The following SRGAP1 variants were observed in gnomAD, a reference collection of about 807,000 sequenced individuals.
The protein encoded by SRGAP1 is SLIT-ROBO Rho GTPase activating protein 1.
Under a neutral mutation model 121.9 loss-of-function variants are expected in SRGAP1, and 43 were observed. That is an observed-to-expected ratio of 0.35 (90% CI 0.28 to 0.46). The LOEUF (loss-of-function observed/expected upper bound fraction) is 0.46, where lower values mean the gene tolerates loss of function less well. Among genes scored for constraint, SRGAP1 ranks in the 20% least tolerant of loss-of-function variants. The probability of loss-of-function intolerance (pLI) is 1.00; values close to 1 mark genes in which losing one functional copy is unlikely to be tolerated. For missense variants in SRGAP1, 1,102 were observed against 1,350.9 expected (o/e 0.82, Z 2.89); for synonymous variants, 447 against 485.4 (o/e 0.92, Z 1.04).
chr12:64,137,983 A>T (rs12831194), intron 21 of SRGAP1, among the ~76,000 whole-genome samples: 46,827 of 119,122 alleles, frequency 0.39, 7,892 homozygotes, highest in East Asian at 0.53. Context: ...TATATATATA[A>T]AAAATAATAA....
chr12:63,907,158 T>C (rs1157752436), intron 1 of SRGAP1, among the ~76,000 whole-genome samples: 2 of 152,150 alleles, frequency 1.3e-5, no homozygotes, highest in African/African-American at 4.8e-5. Flanking sequence ...TCCCTGATGG[T>C]TAAGGATGTT....
chr12:64,013,843 C>G (rs557335993), intron 3 of SRGAP1, among the ~76,000 whole-genome samples: 48 of 152,194 alleles, frequency 3.2e-4, no homozygotes, highest in Non-Finnish European at 1.5e-5. Context: ...CCTTAAGGGC[C>G]CTTTGGAATC....
chr12:64,038,193 G>A (rs1008006218), intron 4 of SRGAP1, among the ~76,000 whole-genome samples: 2 of 152,058 alleles, frequency 1.3e-5, no homozygotes, highest in Non-Finnish European at 2.9e-5. Context: ...TATGTTATTC[G>A]TAAAATGCTG....
At chr12:63,866,926 T>C (rs1899655817) in intron 1 of SRGAP1, among the ~76,000 whole-genome samples, 1 of 151,916 alleles carries the variant, frequency 6.6e-6, no homozygotes, top group African/African-American at 2.4e-5. Context: ...TAGAGTGCAG[T>C]GGCACGCTCA....
intron 7 of SRGAP1, among the ~76,000 whole-genome samples, 167 bp downstream of exon 7, chr12:64,063,305 A>T (rs1435153638): frequency 6.6e-6 from 1 of 152,192 alleles, no homozygotes; most frequent in Non-Finnish European, 1.5e-5. Context: ...TTTTAAAGCA[A>T]ACGTCAAACA....
chr12:63,941,680 A>C (rs1416405592), intron 1 of SRGAP1, among the ~76,000 whole-genome samples: 2 of 151,926 alleles, frequency 1.3e-5, no homozygotes, highest in African/African-American at 2.4e-5. Context: ...CAGTTAGAAA[A>C]AAAAAAAAAA....
intron 6 of SRGAP1, among the ~76,000 whole-genome samples, chr12:64,061,250 A>C (rs2035445742): frequency 6.6e-6 from 1 of 152,208 alleles, no homozygotes; most frequent in Non-Finnish European, 1.5e-5. Context: ...CAATAAGCAG[A>C]CTTTGGCAAT....
intron 1 of SRGAP1, among the ~76,000 whole-genome samples, chr12:63,917,560 G>A (rs996772098): frequency 4.6e-5 from 7 of 152,108 alleles, no homozygotes; most frequent in African/African-American, 9.7e-5. Context: ...TCACAGCAGC[G>A]AAGGCCCTGG....
In SRGAP1 at chr12:63,880,376, C is replaced by T. The variant is rs532543369; in HGVS notation, c.67+35493C>T. 5.3e-4 allele frequency among the ~76,000 whole-genome samples: 81 copies of T among 152,152 alleles called. 1 individual carries two copies. Among genetic ancestry groups the T allele is most frequent in the Non-Finnish European group, 1.0e-3 (69 of 67,994 alleles). On this transcript the variant is annotated intron_variant, in intron 1 of 21. Transcript: ENST00000355086. ...CCTCCCCAGCAGCTGGGATTACAGA[C>T]GCATGCCACCCCGCCTGACTAATTT...
chr12:63,954,474 C>T (rs889889003), intron 1 of SRGAP1, among the ~76,000 whole-genome samples: 5 of 151,826 alleles, frequency 3.3e-5, no homozygotes, highest in Non-Finnish European at 5.9e-5. Flanking sequence ...GTCAGGAGAT[C>T]GAGACCATCC....
chr12:63,997,115 A>T (rs915324558), intron 3 of SRGAP1, among the ~76,000 whole-genome samples: 2 of 152,122 alleles, frequency 1.3e-5, no homozygotes, highest in African/African-American at 4.8e-5. Context: ...TCTGAAGGCA[A>T]CTGTAACACA....
At position 64,146,448 on chromosome 12, in the gene SRGAP1, C is replaced by T. The variant is rs558412901; in HGVS notation, c.*3776C>T. 2.0e-5 allele frequency: 3 copies of T among 152,240 alleles called. No individual in the cohort carries two copies. Among genetic ancestry groups the T allele is most frequent in the South Asian group, 4.1e-4 (2 of 4,822 alleles). 9.4% of individuals were successfully genotyped at this position (152,240 alleles called of 1,614,324 possible). A position where few individuals can be genotyped will look rare whatever the true frequency, so the allele number is the denominator to read the frequency against. On this transcript the variant is annotated 3_prime_UTR_variant, in exon 22 of 22. Transcript: ENST00000355086. ...CGTGGGTTGGTAGTTGTGTCCTTAA[C>T]ATTTAGGAATGACATAGCCTCTGGA...
chr12:64,082,001 CTTTTTTTT>C lies in SRGAP1; in HGVS notation c.1408+1645_1408+1652del. On this transcript the variant is annotated intron_variant, in intron 10 of 21. Transcript: ENST00000355086. ...TTTCCCTCACAGTGTCATGTAAGGT[CTTTTTTTT>C]TTTTTTTTTTTTTCAATTTTTCACA... is the stretch of plus-strand genomic sequence containing the variant. 4.5e-5 allele frequency: 3 copies of C among 66,138 alleles called. No homozygotes were observed. In the South Asian group the frequency reaches 2.5e-3, roughly 56 times the overall value. The allele number at this position is 66,138 out of a possible 1,614,324, so 4.1% of individuals were successfully genotyped here.
chr12:63,855,600 C>T (rs1180770330), intron 1 of SRGAP1, among the ~76,000 whole-genome samples: 2 of 141,788 alleles, frequency 1.4e-5, no homozygotes, highest in African/African-American at 2.6e-5. Context: ...AGGCAATTCT[C>T]ATGCCTCAGC....
intron 3 of SRGAP1, among the ~76,000 whole-genome samples, chr12:64,012,498 G>C (rs541044833): frequency 3.0e-4 from 41 of 137,054 alleles, no homozygotes; most frequent in African/African-American, 1.1e-3. Context: ...GGCAATTCTT[G>C]TTCAAGGGCC....
In SRGAP1 at chr12:64,040,899, A is replaced by G. The variant is rs961913254; in HGVS notation, c.490-1891A>G. 3.3e-5 allele frequency among the ~76,000 whole-genome samples: 5 copies of G among 152,166 alleles called. No homozygotes were observed. The East Asian group carries it at 9.6e-4, about 29-fold the overall frequency. On this transcript the variant is annotated intron_variant, in intron 4 of 21. Coordinates refer to ENST00000355086, the MANE Select transcript of SRGAP1 (RefSeq NM_020762.4). Reference sequence around the variant, plus strand: ...AATGTGCATATTCTCTAATGCTGCAATTCTATTTCTGAAAATTTGTCCTAG... The same window carrying G: ...AATGTGCATATTCTCTAATGCTGCAGTTCTATTTCTGAAAATTTGTCCTAG...
At chr12:63,923,893 G>A (rs928789236) in intron 1 of SRGAP1, among the ~76,000 whole-genome samples, 2 of 152,142 alleles carry the variant, frequency 1.3e-5, no homozygotes, top group Non-Finnish European at 2.9e-5. Flanking sequence ...CTGTAATCCC[G>A]CACTTTGGGA....
chr12:63,958,759 AAAAAT>A (rs151267483), intron 1 of SRGAP1, among the ~76,000 whole-genome samples: 1 of 152,346 alleles, frequency 6.6e-6, no homozygotes, highest in East Asian at 1.9e-4. Flanking sequence ...ATTAAGTCCT[AAAAAT>A]CATACACCAC....
intron 21 of SRGAP1, among the ~76,000 whole-genome samples, chr12:64,134,287 G>A (rs543494850): frequency 6.6e-6 from 1 of 152,098 alleles, no homozygotes; most frequent in East Asian, 1.9e-4. Context: ...TGGGAGTGGT[G>A]GTGGGTGCCT....
Sources: allele counts gnomAD v4.1 joint callset (sites outside exome capture counted in the v4.1 genomes callset), GRCh38; gene constraint gnomAD v4.1.1; transcripts MANE v1.5; gene names NCBI Gene and HGNC (gene_info 2026-07-23, HGNC 2026-07-21).